Variants in RGS12 observed in about 807,000 individuals in gnomAD.
RGS12 encodes regulator of G protein signaling 12, also known as regulator of G-protein signaling 12.
Under a neutral mutation model 120.1 loss-of-function variants are expected in RGS12, and 66 were observed. That is an observed-to-expected ratio of 0.55 (90% CI 0.45 to 0.67). RGS12 has a LOEUF of 0.67. Ranked by LOEUF, RGS12 falls within the 30% of genes least tolerant of loss-of-function variation. The probability of loss-of-function intolerance (pLI) is 0.00; values close to 1 mark genes in which losing one functional copy is unlikely to be tolerated. For synonymous variants in RGS12, 827 were observed against 804.7 expected (o/e 1.03, Z -0.47); for missense variants, 1,859 against 1,957.7 (o/e 0.95, Z 0.95).
intron 6 of RGS12, among the ~76,000 whole-genome samples, chr4:3,415,180 G>C (rs1453397552): frequency 6.7e-6 from 1 of 149,966 alleles, no homozygotes; most frequent in African/African-American, 2.5e-5. Context: ...GTGTGTGATA[G>C]GGCCGCGTGT....
intron 1 of RGS12, among the ~76,000 whole-genome samples, chr4:3,299,968 G>A (rs1246482571): frequency 5.3e-5 from 8 of 152,232 alleles, no homozygotes; most frequent in African/African-American, 1.2e-4. Flanking sequence ...GCCTGTGGCT[G>A]CTGTTCCGCG....
At chr4:3,311,468 C>T (rs1378927162) in intron 1 of RGS12, among the ~76,000 whole-genome samples, 1 of 151,992 alleles carries the variant, frequency 6.6e-6, no homozygotes, top group African/African-American at 2.4e-5. Context: ...TTTTATTGTC[C>T]TCTTTACACC....
chr4:3,342,424 C>T (rs1713328681), intron 2 of RGS12: 5 of 1,264,750 alleles, frequency 4.0e-6, no homozygotes, highest in Non-Finnish European at 4.1e-6. Context: ...CAGTTATTTC[C>T]TGCGCCGGAG....
chr4:3,293,247 C>T (rs1289022367), intron 1 of RGS12, 148 bp downstream of exon 1: 2 of 146,058 alleles, frequency 1.4e-5, no homozygotes, highest in Non-Finnish European at 3.0e-5. Context: ...GGTCGCCGCC[C>T]GCCCGCCCTG....
upstream of RGS12, among the ~76,000 whole-genome samples, chr4:3,289,238 C>G (rs990634662): frequency 6.6e-6 from 1 of 152,132 alleles, no homozygotes; most frequent in African/African-American, 2.4e-5. Flanking sequence ...GGATCTCATT[C>G]TGTTGCCCAG....
chr4:3,383,915 C>A (rs1718538687), intron 3 of RGS12, among the ~76,000 whole-genome samples: 2 of 152,310 alleles, frequency 1.3e-5, no homozygotes, highest in South Asian at 4.1e-4. Flanking sequence ...CAAGTTTCAG[C>A]TAATTTGGGG....
intron 2 of RGS12, among the ~76,000 whole-genome samples, chr4:3,321,004 C>T (rs980459035): frequency 3.9e-5 from 6 of 152,096 alleles, no homozygotes; most frequent in South Asian, 2.1e-4. Context: ...TGTCAGGCAG[C>T]GAGCTTCACG....
chr4:3,417,204 G>A (rs1722502910), intron 8 of RGS12, 112 bp downstream of exon 8: 1 of 1,348,708 alleles, frequency 7.4e-7, no homozygotes, highest in South Asian at 1.5e-5. Flanking sequence ...AGTGGTGGGT[G>A]ACGCTCCATG....
At chr4:3,384,656 A>C (rs1718633678) in intron 3 of RGS12, among the ~76,000 whole-genome samples, 1 of 152,216 alleles carries the variant, frequency 6.6e-6, no homozygotes, top group Non-Finnish European at 1.5e-5. Context: ...TTCCTGGCCA[A>C]TGAGAGGACA....
intron 1 of RGS12, among the ~76,000 whole-genome samples, chr4:3,297,970 T>A (rs1011569049): frequency 6.6e-6 from 1 of 152,250 alleles, no homozygotes; most frequent in Non-Finnish European, 1.5e-5. Context: ...CCTTTTAACT[T>A]AGCTGGGTAT....
intron 2 of RGS12, among the ~76,000 whole-genome samples, chr4:3,319,054 G>A (rs1240936699): frequency 4.6e-5 from 7 of 152,128 alleles, no homozygotes; most frequent in South Asian, 2.1e-4. Flanking sequence ...AGGAAAGGCC[G>A]TGTTTGATGA....
At position 3,317,305 on chromosome 4, in the gene RGS12, T is replaced by G; in HGVS notation, c.1135T>G (p.Ser379Ala). 1 of 1,614,024 alleles carries G rather than the reference T, an allele frequency of 6.2e-7. No homozygotes were observed. The highest frequency in any genetic ancestry group is 8.5e-7 in the Non-Finnish European group (1 of 1,180,018). Residue 379 changes from serine (S) to alanine (A), a missense_variant, in exon 2 of 18, where the codon TCC becomes GCC. Around this residue, in one of 3 missense-constraint regions of RGS12, gnomAD observed 967 missense variants for 994.2 expected, o/e 0.97. Transcript: ENST00000336727. ...TGGCTGTCTGGAATTCCCGGCGTCCTCCCTCCCCGTCCTGCAGTTCATCTC... is the reference window on the plus strand; with the variant it reads ...TGGCTGTCTGGAATTCCCGGCGTCCGCCCTCCCCGTCCTGCAGTTCATCTC... ...TNGCLEFPASSLPVLQFISVL... is the reference protein window; with the variant it reads ...TNGCLEFPASALPVLQFISVL...
intron 14 of RGS12, 91 bp downstream of exon 14, chr4:3,425,651 GT>G: frequency 1.4e-6 from 1 of 723,746 alleles, no homozygotes; most frequent in Non-Finnish European, 2.2e-6. Flanking sequence ...GAGGGGGTGA[GT>G]GGGGCCAGTG....
intron 4 of RGS12, among the ~76,000 whole-genome samples, chr4:3,388,476 G>A (rs1239040396): frequency 6.6e-6 from 1 of 152,252 alleles, no homozygotes; most frequent in Non-Finnish European, 1.5e-5. Context: ...CCGAGGCAGA[G>A]TGGGGAGATC....
At chr4:3,410,800 T>G (rs1307970570) in intron 4 of RGS12, among the ~76,000 whole-genome samples, 3 of 152,308 alleles carry the variant, frequency 2.0e-5, no homozygotes, top group East Asian at 3.9e-4. Flanking sequence ...TCCGGGGGCC[T>G]CCTCCTACCT....
At chr4:3,417,245 T>C (rs1295853247) in intron 8 of RGS12, 143 bp from the exon 9 acceptor site, 4 of 1,303,382 alleles carry the variant, frequency 3.1e-6, no homozygotes, top group East Asian at 2.6e-5. Context: ...TCTGGAGTCC[T>C]GTCAGGGCCA....
intron 6 of RGS12, among the ~76,000 whole-genome samples, chr4:3,415,122 CGTGT>C (rs1384610817): frequency 1.3e-5 from 1 of 75,748 alleles, no homozygotes; most frequent in African/African-American, 5.6e-5. Flanking sequence ...GAGAGGGCCG[CGTGT>C]GTGTGAGGGG....
At chr4:3,391,523 C>T (rs934229371) in intron 4 of RGS12, among the ~76,000 whole-genome samples, 6 of 152,186 alleles carry the variant, frequency 3.9e-5, no homozygotes, top group African/African-American at 1.4e-4. Flanking sequence ...CCCTTGGTGC[C>T]CCTGCGGCTG....
intron 4 of RGS12, among the ~76,000 whole-genome samples, chr4:3,410,534 G>A (rs1446119547): frequency 6.6e-6 from 1 of 152,238 alleles, no homozygotes; most frequent in Non-Finnish European, 1.5e-5. Context: ...CTGGGCGGGA[G>A]GTCCTACAGC....
Sources: gnomAD v4.1 joint callset for allele counts (sites outside exome capture counted in the v4.1 genomes callset) on GRCh38, gnomAD v4.1.1 for gene constraint, gnomAD v4.1.1 regional missense constraint, MANE v1.5 for transcripts, NCBI Gene and HGNC (gene_info 2026-07-23, HGNC 2026-07-21) for gene names.